PHF24: variants seen among roughly 807,000 people sequenced by gnomAD.
The protein encoded by PHF24 is PHD finger protein 24, also known as Galpha inhibitory interacting protein.
Under a neutral mutation model 42.6 loss-of-function variants are expected in PHF24, and 25 were observed. That is an observed-to-expected ratio of 0.59 (90% CI 0.43 to 0.82). The LOEUF (loss-of-function observed/expected upper bound fraction) is 0.82. Among genes scored for constraint, PHF24 ranks in the 40% least tolerant of loss-of-function variants. PHF24 has a pLI of 0.00. For missense variants in PHF24, 470 were observed against 538.1 expected (o/e 0.87, Z 1.25); for synonymous variants, 185 against 204.8 (o/e 0.90, Z 0.83).
chr9:34,851,375 G>A, the PHF24 span, among the ~76,000 whole-genome samples: 1 of 152,198 alleles, frequency 6.6e-6, no homozygotes, highest in Non-Finnish European at 1.5e-5. Context: ...AGCAATCAGC[G>A]AGACTCCGTG....
At chr9:34,946,550 G>A in the PHF24 span, among the ~76,000 whole-genome samples, 3 of 152,306 alleles carry the variant, frequency 2.0e-5, no homozygotes, top group Non-Finnish European at 2.9e-5. Flanking sequence ...ATATATTATA[G>A]ATCGAGATTT....
chr9:34,832,916 G>A, the PHF24 span: 3 of 1,551,680 alleles, frequency 1.9e-6, no homozygotes, highest in East Asian at 4.9e-5. Context: ...TTTCTCCCCA[G>A]GGACTCGTGG....
At chr9:34,783,148 C>T in the PHF24 span, among the ~76,000 whole-genome samples, 2 of 152,174 alleles carry the variant, frequency 1.3e-5, no homozygotes, top group Admixed American at 1.3e-4. Flanking sequence ...CTTGCTGCCC[C>T]ATCCCAGTTC....
the PHF24 span, among the ~76,000 whole-genome samples, chr9:34,836,285 G>T: frequency 6.6e-6 from 1 of 152,186 alleles, no homozygotes; most frequent in African/African-American, 2.4e-5. Flanking sequence ...GAAGGGCATG[G>T]CCCTCAGAGA....
At chr9:34,811,522 T>C in the PHF24 span, among the ~76,000 whole-genome samples, 1 of 152,380 alleles carries the variant, frequency 6.6e-6, no homozygotes, top group African/African-American at 2.4e-5. Flanking sequence ...TGATGCCACA[T>C]GAAGGCCTTC....
At chr9:34,701,615 T>C in the PHF24 span, among the ~76,000 whole-genome samples, 1 of 152,048 alleles carries the variant, frequency 6.6e-6, no homozygotes, top group Non-Finnish European at 1.5e-5. This position sits in a 1 kb window ranked among gnomAD's most constrained non-coding sequence, Gnocchi z 5.8. Context: ...CCCGGCTCCC[T>C]GGCCCCGCCG....
chr9:34,976,952 C>T, intron 5 of PHF24, 131 bp from the exon 6 acceptor site: 1 of 1,089,052 alleles, frequency 9.2e-7, no homozygotes, highest in African/African-American at 1.6e-5. Flanking sequence ...ACTGGAAGTG[C>T]TGATGCCTCC....
the PHF24 span, among the ~76,000 whole-genome samples, chr9:34,784,584 A>G: frequency 6.6e-6 from 1 of 152,162 alleles, no homozygotes; most frequent in Non-Finnish European, 1.5e-5. Context: ...TTAATTTTCC[A>G]TGACCAGGAC....
the PHF24 span, among the ~76,000 whole-genome samples, chr9:34,678,749 G>T: frequency 2.0e-5 from 3 of 152,172 alleles, no homozygotes; most frequent in East Asian, 3.9e-4. Context: ...TTCCACCTCA[G>T]CCTCCTGAGT....
the PHF24 span, among the ~76,000 whole-genome samples, chr9:34,853,814 C>T: frequency 3.7e-5 from 5 of 136,188 alleles, no homozygotes; most frequent in Non-Finnish European, 6.2e-5. Flanking sequence ...GGTGACAGAG[C>T]GAGACTCCGT....
the PHF24 span, among the ~76,000 whole-genome samples, chr9:34,794,328 T>G: frequency 1.3e-5 from 2 of 152,216 alleles, no homozygotes; most frequent in Non-Finnish European, 2.9e-5. Flanking sequence ...CACCTGGTTC[T>G]ATTGTCTGCT....
the PHF24 span, chr9:34,726,761 G>A: frequency 6.4e-7 from 1 of 1,551,672 alleles, no homozygotes; most frequent in Non-Finnish European, 8.7e-7. Flanking sequence ...AAGCTCTCTG[G>A]TGTGCCAGGA....
the PHF24 span, among the ~76,000 whole-genome samples, chr9:34,777,127 C>G: frequency 3.6e-3 from 545 of 152,244 alleles, 7 homozygotes; most frequent in Middle Eastern, 0.037. Context: ...TGTGTCTGTT[C>G]TTGGGCCCCA....
the PHF24 span, among the ~76,000 whole-genome samples, chr9:34,773,081 C>T: frequency 3.9e-3 from 593 of 151,808 alleles, 3 homozygotes; most frequent in Non-Finnish European, 6.9e-3. Flanking sequence ...ACCTCCGCCT[C>T]GCGGGTTCAA....
the PHF24 span, among the ~76,000 whole-genome samples, chr9:34,848,551 C>G: frequency 0.36 from 54,057 of 151,298 alleles, 10,024 homozygotes; most frequent in East Asian, 0.66. Context: ...CAAAAAACCA[C>G]CTCCTGGATT....
chr9:34,720,367 C>T, the PHF24 span, among the ~76,000 whole-genome samples: 1,747 of 151,834 alleles, frequency 0.012, 22 homozygotes, highest in Middle Eastern at 0.027. Flanking sequence ...ATGGCGTGAA[C>T]CCGGGAAGCG....
chr9:34,675,298 G>C, the PHF24 span, among the ~76,000 whole-genome samples: 1 of 152,192 alleles, frequency 6.6e-6, no homozygotes, highest in Non-Finnish European at 1.5e-5. Flanking sequence ...AGGGCGTCTA[G>C]CATACGGGGA....
At chr9:34,811,386 A>G in the PHF24 span, among the ~76,000 whole-genome samples, 2 of 152,180 alleles carry the variant, frequency 1.3e-5, no homozygotes, top group African/African-American at 4.8e-5. Context: ...TGCCCTCATA[A>G]ATTAATTGAC....
chr9:34,840,344 A>G, the PHF24 span, among the ~76,000 whole-genome samples: 1 of 149,536 alleles, frequency 6.7e-6, no homozygotes, highest in African/African-American at 2.5e-5. Flanking sequence ...TAAAAAATGA[A>G]TTTCAATGTT....
Sources: gnomAD v4.1 joint callset for allele counts (sites outside exome capture counted in the v4.1 genomes callset) on GRCh38, gnomAD v4.1.1 for gene constraint, Gnocchi (gnomAD v3.1) non-coding constraint, MANE v1.5 for transcripts, NCBI Gene and HGNC (gene_info 2026-07-23, HGNC 2026-07-21) for gene names.